ANG: variants seen among roughly 807,000 people sequenced by gnomAD.
The protein encoded by ANG is Homo sapiens epididymis luminal protein 168.
For missense variants in ANG, 178 were observed against 187.4 expected (o/e 0.95, Z 0.29); for synonymous variants, 74 against 73.8 (o/e 1.00, Z -0.02).
chr14:20,693,612 G>C lies in ANG; in HGVS notation c.48G>C (p.Leu16=). Residue 16 remains leucine, a synonymous_variant, in exon 2 of 2, where the codon CTG becomes CTC. Coordinates refer to ENST00000397990, the MANE Select transcript of ANG (RefSeq NM_001097577.3). ...GVLLLVFVLG[L]GLTPPTLAQD... is the part of the protein sequence containing the mutation. ...TGTTGTTGGTCTTCGTGCTGGGTCT[G>C]GGTCTGACCCCACCGACCCTGGCTC... The C allele has an allele frequency of 6.2e-7, 1 of 1,614,006 alleles. No homozygotes were observed. Among genetic ancestry groups the C allele is most frequent in the Non-Finnish European group, 8.5e-7 (1 of 1,180,046 alleles).
chr14:20,686,957 C>G (rs751741469), upstream of ANG, among the ~76,000 whole-genome samples: 3 of 152,114 alleles, frequency 2.0e-5, no homozygotes, highest in African/African-American at 7.2e-5. Context: ...CCGTGCATCC[C>G]GTGTCTGTGT....
In ANG at chr14:20,693,609, T is replaced by G; in HGVS notation, c.45T>G (p.Gly15=). ...TTTTGTTGTTGGTCTTCGTGCTGGG[T>G]CTGGGTCTGACCCCACCGACCCTGG... ...LGVLLLVFVL[G]LGLTPPTLAQ... Residue 15 remains glycine, a synonymous_variant, in exon 2 of 2, where the codon GGT becomes GGG. Transcript: ENST00000397990. 6.2e-7 allele frequency: 1 copy of G among 1,613,940 alleles called. No homozygotes were observed. The highest frequency in any genetic ancestry group is 8.5e-7 in the Non-Finnish European group (1 of 1,180,030).
chr14:20,692,502 C>A (rs1363072918), intron 1 of ANG, among the ~76,000 whole-genome samples: 1 of 152,262 alleles, frequency 6.6e-6, no homozygotes, highest in Non-Finnish European at 1.5e-5. Context: ...AGCTCTGCCT[C>A]CTGCCAGATC....
At position 20,693,971 on chromosome 14, in the gene ANG, C is replaced by G; in HGVS notation, c.407C>G (p.Pro136Arg). 6.2e-7 allele frequency: 1 copy of G among 1,614,100 alleles called. No homozygotes were observed. Among genetic ancestry groups the G allele is most frequent in the Non-Finnish European group, 8.5e-7 (1 of 1,180,034 alleles). The change falls in exon 2 of 2, where the codon CCT (proline) becomes CGT (arginine). Residue 136 changes from proline (P) to arginine (R), a missense_variant. Coordinates refer to ENST00000397990, the MANE Select transcript of ANG (RefSeq NM_001097577.3). Reference protein sequence around the residue: ...NVVVACENGLPVHLDQSIFRR... With the variant: ...NVVVACENGLRVHLDQSIFRR... ...GTTGTTGCTTGTGAAAATGGCTTAC[C>G]TGTCCACTTGGATCAGTCAATTTTC...
chr14:20,686,440 A>G (rs556397601), upstream of ANG, among the ~76,000 whole-genome samples: 2 of 152,362 alleles, frequency 1.3e-5, no homozygotes, highest in African/African-American at 2.4e-5. Flanking sequence ...TGGATAAAAA[A>G]GTGGACCAAT....
intron 1 of ANG, among the ~76,000 whole-genome samples, chr14:20,690,221 C>CAAAAA (rs36091065): frequency 9.7e-3 from 657 of 67,922 alleles, no homozygotes; most frequent in Non-Finnish European, 0.011. Context: ...GACTCCGTCT[C>CAAAAA]AAAAAAAAAA....
At chr14:20,692,629 A>G (rs117926213) in intron 1 of ANG, among the ~76,000 whole-genome samples, 3,640 of 152,300 alleles carry the variant, frequency 0.024, 62 homozygotes, top group South Asian at 0.047. Flanking sequence ...ATCTATCTGA[A>G]CCAGAACAAT....
rs1667395128 is a variant in ANG, at chr14:20,693,761, T to G, written c.197T>G (p.Ile66Ser). The G allele has an allele frequency of 6.2e-7, 1 of 1,614,010 alleles. No individual in the cohort carries two copies. The highest frequency in any genetic ancestry group is 1.3e-5 in the African/African-American group (1 of 74,890). ...RRGLTSPCKD[I>S]NTFIHGNKRS... Reference sequence around the variant, plus strand: ...GGCCTGACCTCACCCTGCAAAGACATCAACACATTTATTCATGGCAACAAG... The same window carrying G: ...GGCCTGACCTCACCCTGCAAAGACAGCAACACATTTATTCATGGCAACAAG... The change falls in exon 2 of 2, where the codon ATC becomes AGC. Residue 66 changes from isoleucine to serine, a missense_variant. Transcript: ENST00000397990.
upstream of ANG, among the ~76,000 whole-genome samples, chr14:20,685,246 C>T (rs770925368): frequency 3.3e-5 from 5 of 152,296 alleles, no homozygotes; most frequent in African/African-American, 1.2e-4. Flanking sequence ...AGACACTTGC[C>T]AACAGCCTCT....
At chr14:20,686,222 A>G (rs566790296), upstream of ANG, among the ~76,000 whole-genome samples, 1 of 152,268 alleles carries the variant, frequency 6.6e-6, no homozygotes, top group African/African-American at 2.4e-5. Flanking sequence ...ATGGAGTGGT[A>G]CGATGTTAGT....
At chr14:20,686,223 C>T (rs373246662), upstream of ANG, among the ~76,000 whole-genome samples, 140 of 151,898 alleles carry the variant, frequency 9.2e-4, no homozygotes, top group Admixed American at 3.6e-3. Flanking sequence ...TGGAGTGGTA[C>T]GATGTTAGTA....
At chr14:20,685,104 A>G (rs1886362653), upstream of ANG, among the ~76,000 whole-genome samples, 2 of 152,200 alleles carry the variant, frequency 1.3e-5, no homozygotes, top group Admixed American at 1.3e-4. Context: ...ATTCAGGCTA[A>G]TCACCAGCTT....
At chr14:20,691,786 T>C (rs1886764218) in intron 1 of ANG, among the ~76,000 whole-genome samples, 1 of 152,246 alleles carries the variant, frequency 6.6e-6, no homozygotes, top group African/African-American at 2.4e-5. Flanking sequence ...TTATAATTTG[T>C]AATGGAATCA....
chr14:20,686,551 GA>G (rs1886435843), upstream of ANG, among the ~76,000 whole-genome samples: 1 of 152,226 alleles, frequency 6.6e-6, no homozygotes, highest in South Asian at 2.1e-4. Flanking sequence ...AGAATGCCAT[GA>G]AATACTTGGG....
intron 1 of ANG, among the ~76,000 whole-genome samples, chr14:20,691,278 T>C (rs1886730569): frequency 6.6e-6 from 1 of 152,254 alleles, no homozygotes; most frequent in African/African-American, 2.4e-5. Context: ...TCTGGGATTC[T>C]GGCACCAGGC....
Position 20,694,108 on chromosome 14 carries a change from A to G in ANG, c.*100A>G. On this transcript the variant is annotated 3_prime_UTR_variant, in exon 2 of 2. Coordinates refer to ENST00000397990, the MANE Select transcript of ANG (RefSeq NM_001097577.3). Reference sequence around the variant, plus strand: ...GGCAACATTCATTGCCAAGGGCCCAAAGAAAGAGCTACCTGGACCTTTTGT... The same window carrying G: ...GGCAACATTCATTGCCAAGGGCCCAGAGAAAGAGCTACCTGGACCTTTTGT... 1 of 1,322,780 alleles carries G rather than the reference A, an allele frequency of 7.6e-7. No homozygotes were observed. Among genetic ancestry groups the G allele is most frequent in the Non-Finnish European group, 1.1e-6 (1 of 915,554 alleles). The allele number at this position is 1,322,780 out of a possible 1,614,324, so 81.9% of individuals were successfully genotyped here.
upstream of ANG, among the ~76,000 whole-genome samples, chr14:20,686,678 C>T (rs973988411): frequency 1.3e-5 from 2 of 152,134 alleles, no homozygotes; most frequent in African/African-American, 4.8e-5. Flanking sequence ...GACTTTGTCC[C>T]CACTGTCCTT....
chr14:20,693,013 A>C (rs577105908), intron 1 of ANG, among the ~76,000 whole-genome samples: 1 of 151,474 alleles, frequency 6.6e-6, no homozygotes, highest in East Asian at 1.9e-4. Flanking sequence ...ACGCCCGGCT[A>C]ATTTTTTGTA....
chr14:20,687,023 A>G (rs982091159), upstream of ANG, among the ~76,000 whole-genome samples: 1 of 152,226 alleles, frequency 6.6e-6, no homozygotes, highest in Admixed American at 6.5e-5. Flanking sequence ...GGAAAGGGGA[A>G]TGACTTTCAA....
Sources: allele counts gnomAD v4.1 joint callset (sites outside exome capture counted in the v4.1 genomes callset), GRCh38; gene constraint gnomAD v4.1.1; transcripts MANE v1.5; gene names NCBI Gene and HGNC (gene_info 2026-07-23, HGNC 2026-07-21).